The following BTBD16 variants were observed in gnomAD, a reference collection of about 807,000 sequenced individuals.
BTBD16 encodes BTB/POZ domain-containing protein 16.
Under a neutral mutation model 67.4 loss-of-function variants are expected in BTBD16, and 66 were observed. The ratio of observed to expected loss-of-function variants is 0.98; its 90% CI spans 0.80 to 1.20. BTBD16 has a LOEUF of 1.20. Ranked by LOEUF, BTBD16 falls within the 50% of genes most tolerant of loss-of-function variation. The pLI is 0.00. For synonymous variants in BTBD16, 242 were observed against 236.4 expected, an observed-to-expected ratio of 1.02 and a Z score of -0.22; for missense variants, 634 against 616.0, an observed-to-expected ratio of 1.03 and a Z score of -0.31.
intron 8 of BTBD16, 101 bp downstream of exon 8, chr10:122,297,938 A>G: frequency 1.0e-6 from 1 of 1,002,814 alleles, no homozygotes; most frequent in South Asian, 1.4e-5. Context: ...CCCCCAGAAT[A>G]TCTATTTGAA....
chr10:122,331,164 G>T lies in BTBD16; in HGVS notation c.1004-12G>T. 1 of 1,606,032 alleles carries T rather than the reference G, an allele frequency of 6.2e-7. No individual in the cohort carries two copies. Among genetic ancestry groups the T allele is most frequent in the Non-Finnish European group, 8.5e-7 (1 of 1,177,684 alleles). On this transcript the variant is annotated splice_polypyrimidine_tract_variant and intron_variant, in intron 11 of 15. Coordinates refer to ENST00000260723, the MANE Select transcript of BTBD16 (RefSeq NM_144587.5). ...TAAAACTAAAAAACATTCTCTTTGC[G>T]TTTCTTCCCAGGCAAGGATCTGGAG... is the stretch of plus-strand genomic sequence containing the variant.
chr10:122,274,892 C>T, intron 1 of BTBD16, 148 bp from the exon 2 acceptor site: 1 of 580,602 alleles, frequency 1.7e-6, no homozygotes, highest in South Asian at 2.4e-5. Context: ...CCAGCAACAA[C>T]AAGATATTCT....
intron 3 of BTBD16, among the ~76,000 whole-genome samples, chr10:122,279,207 G>A (rs982029814): frequency 6.6e-6 from 1 of 152,106 alleles, no homozygotes; most frequent in African/African-American, 2.4e-5. Flanking sequence ...TCTGGGCATG[G>A]TGGCTCATAC....
chr10:122,308,416 T>A (rs2096407487), intron 10 of BTBD16, among the ~76,000 whole-genome samples: 1 of 152,176 alleles, frequency 6.6e-6, no homozygotes, highest in East Asian at 1.9e-4. Flanking sequence ...AGACCTCACA[T>A]CGCCATGCAT....
At chr10:122,271,668 G>A (rs1313411332) in intron 1 of BTBD16, among the ~76,000 whole-genome samples, 154 bp downstream of exon 1, 4 of 152,122 alleles carry the variant, frequency 2.6e-5, no homozygotes, top group Admixed American at 6.5e-5. Flanking sequence ...GGAGGGGTCT[G>A]GGAGCTGAGA....
At chr10:122,335,320 C>G (rs10749462) in intron 14 of BTBD16, among the ~76,000 whole-genome samples, 55,796 of 152,088 alleles carry the variant, frequency 0.37, 10,706 homozygotes, top group East Asian at 0.69. Context: ...AGTTATTCTC[C>G]CATGAAGATA....
intron 13 of BTBD16, among the ~76,000 whole-genome samples, chr10:122,334,397 A>G (rs987208652): frequency 4.1e-5 from 6 of 145,226 alleles, no homozygotes; most frequent in South Asian, 4.3e-4. Flanking sequence ...AGGTTTCACC[A>G]TGTTAGCCAG....
At chr10:122,298,557 T>G (rs1272803770) in intron 8 of BTBD16, among the ~76,000 whole-genome samples, 1 of 152,204 alleles carries the variant, frequency 6.6e-6, no homozygotes, top group Non-Finnish European at 1.5e-5. Flanking sequence ...CTTCAATTCC[T>G]GCTTTTTGGG....
At chr10:122,294,806 A>G (rs2096380128) in intron 7 of BTBD16, among the ~76,000 whole-genome samples, 1 of 152,220 alleles carries the variant, frequency 6.6e-6, no homozygotes, top group African/African-American at 2.4e-5. Flanking sequence ...AGCCCAGCCA[A>G]TGGGTTTCAC....
At chr10:122,333,043 G>C in intron 13 of BTBD16, 1 of 791,548 alleles carries the variant, frequency 1.3e-6, no homozygotes, top group Non-Finnish European at 1.5e-6. Context: ...TGGTAGCTGT[G>C]CTCCATGCTG....
intron 9 of BTBD16, among the ~76,000 whole-genome samples, chr10:122,301,912 G>T (rs568443716): frequency 6.6e-6 from 1 of 152,180 alleles, no homozygotes; most frequent in African/African-American, 2.4e-5. Context: ...TGCACCCCTC[G>T]TCGTTGGTCA....
chr10:122,290,130 G>A, intron 6 of BTBD16, 132 bp downstream of exon 6: 1 of 599,386 alleles, frequency 1.7e-6, no homozygotes, highest in Middle Eastern at 2.9e-4. Context: ...TTATTAAAAA[G>A]GCCCGAACGT....
At chr10:122,326,038 A>AG (rs1018398167) in intron 10 of BTBD16, among the ~76,000 whole-genome samples, 2 of 146,206 alleles carry the variant, frequency 1.4e-5, no homozygotes, top group African/African-American at 2.6e-5. Context: ...TTATATTTTG[A>AG]GAAAAAAAAA....
chr10:122,280,389 G>A (rs1343596869), intron 3 of BTBD16, among the ~76,000 whole-genome samples: 2 of 151,982 alleles, frequency 1.3e-5, no homozygotes, highest in Admixed American at 1.3e-4. Context: ...GCACCCCCAC[G>A]AAGGCTCAGG....
At chr10:122,299,930 C>T (rs946144332) in intron 9 of BTBD16, among the ~76,000 whole-genome samples, 1 of 152,292 alleles carries the variant, frequency 6.6e-6, no homozygotes, top group East Asian at 1.9e-4. Context: ...TAAGTGCAGC[C>T]ACGGGGCCCC....
At chr10:122,294,653 C>T (rs1265849963) in intron 7 of BTBD16, among the ~76,000 whole-genome samples, 1 of 152,264 alleles carries the variant, frequency 6.6e-6, no homozygotes, top group African/African-American at 2.4e-5. Context: ...TGCCTCCATG[C>T]AGGGCTGAAC....
chr10:122,284,319 T>C (rs1405012712), intron 4 of BTBD16, among the ~76,000 whole-genome samples: 2 of 151,980 alleles, frequency 1.3e-5, no homozygotes, highest in Non-Finnish European at 2.9e-5. Context: ...TGTAGTGGCA[T>C]GCACATGTAA....
intron 2 of BTBD16, 21 bp from the exon 3 acceptor site, chr10:122,276,770 C>A (rs770809161): frequency 6.2e-7 from 1 of 1,604,722 alleles, no homozygotes; most frequent in African/African-American, 1.3e-5. Context: ...GATGTCTTCT[C>A]TTTCTTTGAT....
intron 11 of BTBD16, among the ~76,000 whole-genome samples, chr10:122,330,112 A>C (rs980373413): frequency 6.6e-6 from 1 of 152,172 alleles, no homozygotes; most frequent in Non-Finnish European, 1.5e-5. Context: ...ATCCAGATAT[A>C]ATAAGTAGCT....
Sources: allele counts gnomAD v4.1 joint callset (sites outside exome capture counted in the v4.1 genomes callset), GRCh38; gene constraint gnomAD v4.1.1; transcripts MANE v1.5; gene names NCBI Gene and HGNC (gene_info 2026-07-23, HGNC 2026-07-21).